DAAM1: variants seen among roughly 807,000 people sequenced by gnomAD.
The protein encoded by DAAM1 is disheveled-associated activator of morphogenesis 1.
Under a neutral mutation model 130.0 loss-of-function variants are expected in DAAM1, and 52 were observed. That is an observed-to-expected ratio of 0.40 (90% CI 0.32 to 0.50). DAAM1 has a LOEUF of 0.50. DAAM1 is among the 20% of genes least tolerant of loss of function. The pLI is 0.61. For missense variants in DAAM1, 1,134 were observed against 1,303.8 expected, an observed-to-expected ratio of 0.87 and a Z score of 2.01; for synonymous variants, 452 against 444.5, an observed-to-expected ratio of 1.02 and a Z score of -0.21.
At chr14:59,299,457 C>A (rs1408729713) in intron 3 of DAAM1, among the ~76,000 whole-genome samples, 1 of 152,096 alleles carries the variant, frequency 6.6e-6, no homozygotes, top group Non-Finnish European at 1.5e-5. Flanking sequence ...TAGCTGTTGT[C>A]ATAGTCAATG....
At chr14:59,257,257 C>G (rs1181023072) in intron 1 of DAAM1, among the ~76,000 whole-genome samples, 1 of 151,958 alleles carries the variant, frequency 6.6e-6, no homozygotes, top group East Asian at 1.9e-4. Context: ...CATCTGTTCA[C>G]TTAGGAATTT....
At chr14:59,214,788 A>T (rs10220457) in intron 1 of DAAM1, among the ~76,000 whole-genome samples, 1 of 152,328 alleles carries the variant, frequency 6.6e-6, no homozygotes, top group Non-Finnish European at 1.5e-5. Flanking sequence ...ATCATGAATA[A>T]TGCTGCCGTC....
chr14:59,246,091 A>G (rs1351622067), intron 1 of DAAM1, among the ~76,000 whole-genome samples: 1 of 152,164 alleles, frequency 6.6e-6, no homozygotes, highest in Non-Finnish European at 1.5e-5. Flanking sequence ...TTATTTTTCA[A>G]ATTTACCATT....
chr14:59,360,385 A>C (rs1313885047), intron 21 of DAAM1, among the ~76,000 whole-genome samples: 1 of 152,280 alleles, frequency 6.6e-6, no homozygotes, highest in Non-Finnish European at 1.5e-5. Context: ...AGTGAAAAGC[A>C]GAACACTGAT....
At chr14:59,352,660 A>G in intron 18 of DAAM1, 28 bp downstream of exon 18, 1 of 1,572,932 alleles carries the variant, frequency 6.4e-7, no homozygotes, top group Middle Eastern at 1.7e-4. Flanking sequence ...GGGAATGTGA[A>G]GATGTCACTT....
intron 1 of DAAM1, among the ~76,000 whole-genome samples, chr14:59,212,436 GT>G (rs1460412937): frequency 1.3e-5 from 2 of 152,174 alleles, no homozygotes; most frequent in Non-Finnish European, 2.9e-5. Flanking sequence ...ACTCTCCAGT[GT>G]TTTAGCATAA....
At chr14:59,286,896 C>T (rs1566685028) in intron 2 of DAAM1, among the ~76,000 whole-genome samples, 1 of 151,978 alleles carries the variant, frequency 6.6e-6, no homozygotes, top group Non-Finnish European at 1.5e-5. Context: ...GAAATTATTC[C>T]AAAAATTCAA....
Position 59,369,981 on chromosome 14 carries a change from TA to T in DAAM1, c.*1125del, listed in dbSNP as rs1887094437. On this transcript the variant is annotated 3_prime_UTR_variant, in exon 25 of 25. Transcript: ENST00000360909. ...TTGTCATTTTAAAATTGTGTGTCAG[TA>T]AAGCTACCTGTAAAATTTCAGTCCA... is the stretch of plus-strand genomic sequence containing the variant. The T allele has an allele frequency of 6.6e-6, 1 of 151,800 alleles. No homozygotes were observed. The highest frequency in any genetic ancestry group is 2.1e-4 in the South Asian group (1 of 4,826). The allele number at this position is 151,800 out of a possible 1,614,324, so 9.4% of individuals were successfully genotyped here.
intron 3 of DAAM1, among the ~76,000 whole-genome samples, chr14:59,297,959 A>G (rs141480152): frequency 2.6e-5 from 4 of 152,324 alleles, no homozygotes; most frequent in Non-Finnish European, 4.4e-5. Flanking sequence ...ATAATCAAAT[A>G]TCTGCCAAAG....
At chr14:59,288,858 A>AGAGAGAGAGAGAGAGAGAGAGAGC (rs1404908351) in intron 2 of DAAM1, among the ~76,000 whole-genome samples, 2 of 141,684 alleles carry the variant, frequency 1.4e-5, no homozygotes, top group African/African-American at 5.0e-5. Context: ...AGAGAGAGAG[A>AGAGAGAGAGAGAGAGAGAGAGAGC]GAGCGCGCGA....
At chr14:59,218,436 A>G (rs926929585) in intron 1 of DAAM1, among the ~76,000 whole-genome samples, 2 of 152,100 alleles carry the variant, frequency 1.3e-5, no homozygotes, top group African/African-American at 4.8e-5. Flanking sequence ...TTTTGCTCCA[A>G]TTTTCTCTGA....
At position 59,369,427 on chromosome 14, in the gene DAAM1, G is replaced by A. The variant is rs906124959; in HGVS notation, c.*568G>A. 2 of 152,538 alleles carry A rather than the reference G, an allele frequency of 1.3e-5. No homozygotes were observed. Among genetic ancestry groups the A allele is most frequent in the Non-Finnish European group, 2.9e-5 (2 of 68,032 alleles). The allele number at this position is 152,538 out of a possible 1,614,324, so 9.4% of individuals were successfully genotyped here. A position where few individuals can be genotyped will look rare whatever the true frequency, so the allele number is the denominator to read the frequency against. On this transcript the variant is annotated 3_prime_UTR_variant, in exon 25 of 25. Coordinates refer to ENST00000360909, the MANE Select transcript of DAAM1 (RefSeq NM_001270520.2). Reference sequence around the variant, plus strand: ...GACCAGCTTTGAATTTCTGACATTGGTGTGGGGATACAGTCTGTAAATGTT... The same window carrying A: ...GACCAGCTTTGAATTTCTGACATTGATGTGGGGATACAGTCTGTAAATGTT...
intron 2 of DAAM1, among the ~76,000 whole-genome samples, chr14:59,271,865 G>A (rs1021326169): frequency 2.0e-5 from 3 of 152,044 alleles, no homozygotes; most frequent in Admixed American, 6.6e-5. Flanking sequence ...AGTGAAGACC[G>A]TGACTAACAA....
chr14:59,191,388 C>T (rs1351418992), intron 1 of DAAM1, among the ~76,000 whole-genome samples: 2 of 151,602 alleles, frequency 1.3e-5, no homozygotes, highest in African/African-American at 4.8e-5. Context: ...CCTTTTCTGT[C>T]CCCCCAGCAT....
intron 3 of DAAM1, among the ~76,000 whole-genome samples, chr14:59,312,822 T>C (rs1296343965): frequency 1.3e-5 from 2 of 152,224 alleles, no homozygotes; most frequent in Non-Finnish European, 2.9e-5. Flanking sequence ...AGGCACTTTG[T>C]ACTGTACAAG....
chr14:59,239,032 A>T (rs1253323345), intron 1 of DAAM1, among the ~76,000 whole-genome samples: 5 of 152,222 alleles, frequency 3.3e-5, no homozygotes, highest in African/African-American at 4.8e-5. Context: ...TGCAGGTCAC[A>T]TAAGTGCTCA....
chr14:59,217,599 G>A (rs773795166), intron 1 of DAAM1, among the ~76,000 whole-genome samples: 4 of 152,172 alleles, frequency 2.6e-5, no homozygotes, highest in Non-Finnish European at 5.9e-5. Flanking sequence ...CACTTTGGGA[G>A]GCCGAGGAAG....
chr14:59,251,346 G>A (rs980758090), intron 1 of DAAM1, among the ~76,000 whole-genome samples: 3 of 151,928 alleles, frequency 2.0e-5, no homozygotes, highest in Admixed American at 6.6e-5. Flanking sequence ...TTCCACTGAG[G>A]TGGTGCAATT....
At chr14:59,278,130 A>G (rs1883052578) in intron 2 of DAAM1, among the ~76,000 whole-genome samples, 1 of 152,198 alleles carries the variant, frequency 6.6e-6, no homozygotes, top group Admixed American at 6.5e-5. Flanking sequence ...CTCTTAAAAT[A>G]TCTTACTGTA....
Sources: allele counts gnomAD v4.1 joint callset (sites outside exome capture counted in the v4.1 genomes callset), GRCh38; gene constraint gnomAD v4.1.1; transcripts MANE v1.5; gene names NCBI Gene and HGNC (gene_info 2026-07-23, HGNC 2026-07-21).